COA1: variants seen among roughly 807,000 people sequenced by gnomAD.
COA1 encodes the protein cytochrome c oxidase assembly factor 1 homolog.
COA1 carries 13 observed loss-of-function variants against 16.0 expected under a neutral mutation model. That is an observed-to-expected ratio of 0.81 (90% CI 0.53 to 1.29). The LOEUF (loss-of-function observed/expected upper bound fraction) is 1.29. COA1 is among the 50% of genes most tolerant of loss of function. The pLI, the probability that COA1 is intolerant of heterozygous loss-of-function variation, is 0.00. For missense variants in COA1, 179 were observed against 177.0 expected, an observed-to-expected ratio of 1.01 and a Z score of -0.06; for synonymous variants, 65 against 65.7, an observed-to-expected ratio of 0.99 and a Z score of 0.05.
intron 1 of COA1, among the ~76,000 whole-genome samples, chr7:43,674,557 A>G (rs530065131): frequency 9.8e-4 from 150 of 152,352 alleles, no homozygotes; most frequent in Non-Finnish European, 9.6e-4. Context: ...AACTGCAATG[A>G]TATTACTGTG....
intron 1 of COA1, chr7:43,648,861 T>A (rs910243392): frequency 3.9e-6 from 2 of 512,498 alleles, no homozygotes; most frequent in Non-Finnish European, 3.5e-6. Flanking sequence ...GCCTGCGGGT[T>A]TCCTGTCTGT....
At chr7:43,649,874 A>G (rs1221061639) in intron 1 of COA1, 1 of 121,594 alleles carries the variant, frequency 8.2e-6, no homozygotes, top group Non-Finnish European at 1.7e-5. Flanking sequence ...GCAACCAGAC[A>G]TATGCACCAA....
At chr7:43,711,735 A>G (rs2095255353) in intron 1 of COA1, among the ~76,000 whole-genome samples, 1 of 152,176 alleles carries the variant, frequency 6.6e-6, no homozygotes, top group South Asian at 2.1e-4. Context: ...ACAGCATGTC[A>G]CTGTACTGAA....
At chr7:43,700,468 T>G (rs2131353845) in intron 1 of COA1, among the ~76,000 whole-genome samples, 1 of 151,756 alleles carries the variant, frequency 6.6e-6, no homozygotes, top group South Asian at 2.1e-4. Context: ...TTCAAATACG[T>G]TACCATCACA....
intron 4 of COA1, among the ~76,000 whole-genome samples, chr7:43,644,074 C>CT: frequency 6.6e-6 from 1 of 152,258 alleles, no homozygotes; most frequent in Non-Finnish European, 1.5e-5. Context: ...TGTGCCTCCA[C>CT]TGCCGTATCA....
At chr7:43,667,080 T>C (rs2092937691) in intron 1 of COA1, among the ~76,000 whole-genome samples, 1 of 152,218 alleles carries the variant, frequency 6.6e-6, no homozygotes, top group Non-Finnish European at 1.5e-5. Flanking sequence ...TTAACATTAA[T>C]AAATTAATGC....
At chr7:43,634,681 T>C (rs947586114), downstream of COA1, among the ~76,000 whole-genome samples, 1 of 152,232 alleles carries the variant, frequency 6.6e-6, no homozygotes, top group African/African-American at 2.4e-5. Context: ...CACTTGGCTT[T>C]TGCTGATGAG....
At chr7:43,629,903 T>G (rs899680233) in intron 6 of COA1, among the ~76,000 whole-genome samples, 1 of 152,190 alleles carries the variant, frequency 6.6e-6, no homozygotes, top group African/African-American at 2.4e-5. Flanking sequence ...CAAAGTAGTT[T>G]TTAAAAATTA....
At chr7:43,691,054 C>CAAAAAAAAAAAAAAAAA (rs1173049196) in intron 1 of COA1, among the ~76,000 whole-genome samples, 1 of 40,022 alleles carries the variant, frequency 2.5e-5, no homozygotes, top group South Asian at 9.6e-4. Flanking sequence ...CTCATCACTA[C>CAAAAAAAAAAAAAAAAA]AAAAAAAAAA....
At chr7:43,623,787 A>C in intron 6 of COA1, 3 of 1,609,268 alleles carry the variant, frequency 1.9e-6, no homozygotes, top group Non-Finnish European at 2.5e-6. Context: ...AAACATTCTT[A>C]AACATCTCAC....
chr7:43,699,287 A>G (rs919096133), intron 1 of COA1, among the ~76,000 whole-genome samples: 2 of 152,236 alleles, frequency 1.3e-5, no homozygotes, highest in African/African-American at 2.4e-5. Context: ...TACCTAGTTC[A>G]TAACTCCTTG....
chr7:43,670,968 C>A (rs1347646731), intron 1 of COA1, among the ~76,000 whole-genome samples: 1 of 152,084 alleles, frequency 6.6e-6, no homozygotes, highest in Non-Finnish European at 1.5e-5. Context: ...CAGAAGTAAA[C>A]CCTTTTATCC....
At chr7:43,667,811 T>C (rs2092982527) in intron 1 of COA1, among the ~76,000 whole-genome samples, 2 of 152,230 alleles carry the variant, frequency 1.3e-5, no homozygotes, top group Non-Finnish European at 1.5e-5. Flanking sequence ...GCTTGCAATA[T>C]TGCTGATCCT....
intron 1 of COA1, among the ~76,000 whole-genome samples, chr7:43,653,352 A>G (rs913118071): frequency 6.6e-6 from 1 of 152,170 alleles, no homozygotes; most frequent in Non-Finnish European, 1.5e-5. Context: ...AAACAAAACA[A>G]AAGAAGGCTA....
At chr7:43,644,549 G>A (rs1199007623) in intron 4 of COA1, among the ~76,000 whole-genome samples, 1 of 151,576 alleles carries the variant, frequency 6.6e-6, no homozygotes, top group Non-Finnish European at 1.5e-5. Flanking sequence ...TAATTTTACA[G>A]ACAATTTCAC....
intron 1 of COA1, among the ~76,000 whole-genome samples, chr7:43,690,324 C>G (rs2094214920): frequency 6.6e-6 from 1 of 152,106 alleles, no homozygotes; most frequent in African/African-American, 2.4e-5. Flanking sequence ...TATAACAGCA[C>G]AATTTGCAAT....
At chr7:43,696,121 G>C (rs1027983134) in intron 1 of COA1, among the ~76,000 whole-genome samples, 4 of 152,204 alleles carry the variant, frequency 2.6e-5, no homozygotes, top group African/African-American at 9.6e-5. Flanking sequence ...ATTAAGGTAT[G>C]AGCCACCGCA....
intron 1 of COA1, among the ~76,000 whole-genome samples, chr7:43,716,437 C>T (rs1459059323): frequency 6.6e-6 from 1 of 152,142 alleles, no homozygotes; most frequent in Non-Finnish European, 1.5e-5. Context: ...CATTTTGCCC[C>T]ACCCTAGAGA....
At chr7:43,619,929 A>G (rs1343662945) in intron 6 of COA1, among the ~76,000 whole-genome samples, 1 of 152,238 alleles carries the variant, frequency 6.6e-6, no homozygotes, top group African/African-American at 2.4e-5. Flanking sequence ...CTATCTCTTC[A>G]CTACAGAGCT....
Sources: gnomAD v4.1 joint callset for allele counts (sites outside exome capture counted in the v4.1 genomes callset) on GRCh38, gnomAD v4.1.1 for gene constraint, MANE v1.5 for transcripts, NCBI Gene and HGNC (gene_info 2026-07-23, HGNC 2026-07-21) for gene names.